The following CALCR variants were observed in gnomAD, a reference collection of about 807,000 sequenced individuals.
The protein encoded by CALCR is calcitonin receptor.
A neutral mutation model predicts 59.5 loss-of-function variants in CALCR; 47 were observed. That is an observed-to-expected ratio of 0.79 (90% confidence interval 0.63 to 1.01). The LOEUF (loss-of-function observed/expected upper bound fraction) is 1.01. Among genes scored for constraint, CALCR ranks in the 50% least tolerant of loss-of-function variants. The probability of loss-of-function intolerance (pLI) is 0.00; values close to 1 mark genes in which losing one functional copy is unlikely to be tolerated. For synonymous variants in CALCR, 213 were observed against 211.3 expected, an observed-to-expected ratio of 1.01 and a Z score of -0.07; for missense variants, 566 against 597.1, an observed-to-expected ratio of 0.95 and a Z score of 0.54.
intron 2 of CALCR, among the ~76,000 whole-genome samples, chr7:93,528,724 A>C (rs768722268): frequency 8.5e-5 from 13 of 152,320 alleles, no homozygotes; most frequent in Non-Finnish European, 1.6e-4. Flanking sequence ...TTAAAGAATA[A>C]GTTAAACACT....
intron 8 of CALCR, among the ~76,000 whole-genome samples, chr7:93,444,919 C>A (rs1169959656): frequency 1.3e-5 from 2 of 152,168 alleles, no homozygotes; most frequent in Non-Finnish European, 1.5e-5. Context: ...ACTGTAGCAA[C>A]CTTTTCCGAA....
chr7:93,477,366 A>G (rs1028689315), intron 5 of CALCR, among the ~76,000 whole-genome samples, 192 bp downstream of exon 5: 3 of 151,856 alleles, frequency 2.0e-5, no homozygotes, highest in African/African-American at 7.2e-5. Context: ...GACCAGCAAC[A>G]TGACTTAAAA....
At chr7:93,430,408 A>G (rs1298109938) in intron 13 of CALCR, among the ~76,000 whole-genome samples, 1 of 152,138 alleles carries the variant, frequency 6.6e-6, no homozygotes, top group Non-Finnish European at 1.5e-5. Flanking sequence ...TACAAAATTT[A>G]TATGCTCTAT....
In CALCR at chr7:93,443,662, A is replaced by G; in HGVS notation, c.744T>C (p.Ile248=). 6.2e-7 allele frequency: 1 copy of G among 1,613,444 alleles called. No individual in the cohort carries two copies. The highest frequency in any genetic ancestry group is 1.1e-5 in the South Asian group (1 of 91,050). Reference sequence around the variant, plus strand: ...GCTTCTCAGTAAACACAGCCACGACAATGAGTGTATGAAGATAGATCCCTT... The same window carrying G: ...GCTTCTCAGTAAACACAGCCACGACGATGAGTGTATGAAGATAGATCCCTT... The part of the protein sequence containing the change: ...LCEGIYLHTL[I]VVAVFTEKQR... The change falls in exon 9 of 14, where the codon ATT becomes ATC. Residue 248 remains isoleucine, a synonymous_variant. Coordinates refer to ENST00000426151, the MANE Select transcript of CALCR (RefSeq NM_001742.4).
intron 3 of CALCR, chr7:93,482,782 A>G (rs772052954): frequency 1.9e-6 from 1 of 533,684 alleles, no homozygotes; most frequent in Non-Finnish European, 3.9e-6. Flanking sequence ...TCATTCTTGC[A>G]ATATTGAAAC....
intron 2 of CALCR, among the ~76,000 whole-genome samples, chr7:93,523,051 AAATAG>A (rs1157924993): frequency 6.6e-6 from 1 of 152,176 alleles, no homozygotes; most frequent in African/African-American, 2.4e-5. Flanking sequence ...GATCACTTTG[AAATAG>A]AATAGAATAT....
chr7:93,552,666 T>C (rs1475470261), intron 2 of CALCR, among the ~76,000 whole-genome samples: 1 of 152,212 alleles, frequency 6.6e-6, no homozygotes, highest in Non-Finnish European at 1.5e-5. Context: ...CCATGTTCTC[T>C]AGAGGTTAGA....
intron 2 of CALCR, among the ~76,000 whole-genome samples, chr7:93,546,610 G>T (rs1584622023): frequency 1.3e-5 from 2 of 150,806 alleles, no homozygotes; most frequent in African/African-American, 4.9e-5. Context: ...GGAGTGCAGT[G>T]GTGGGATCAC....
At chr7:93,477,951 G>A (rs1373894447) in intron 4 of CALCR, among the ~76,000 whole-genome samples, 1 of 58,990 alleles carries the variant, frequency 1.7e-5, no homozygotes, top group Admixed American at 2.8e-4. Flanking sequence ...AAGACTGCAA[G>A]ACCCTCTCTC....
chr7:93,536,669 A>G (rs1442884985), intron 2 of CALCR, among the ~76,000 whole-genome samples: 2 of 151,952 alleles, frequency 1.3e-5, no homozygotes, highest in African/African-American at 4.8e-5. Context: ...AGCATTAGGT[A>G]TATCTCCTAA....
intron 7 of CALCR, among the ~76,000 whole-genome samples, chr7:93,462,989 C>T (rs1251846712): frequency 6.6e-6 from 1 of 150,538 alleles, no homozygotes; most frequent in Admixed American, 6.6e-5. Context: ...CATCATTGGG[C>T]TTAATACCCA....
rs1402836513 is a variant in CALCR at position 93,557,305 on chromosome 7, A to G, written c.-27+16984T>C. On this transcript the variant is annotated intron_variant, in intron 2 of 13. Transcript: ENST00000426151. ...AAATTGACAAATTAATATTATATATATATTTATGGTATGCAACTTTATGTT... is the reference window on the plus strand; with the variant it reads ...AAATTGACAAATTAATATTATATATGTATTTATGGTATGCAACTTTATGTT... 5.9e-5 allele frequency among the ~76,000 whole-genome samples: 9 copies of G among 151,888 alleles called. No individual in the cohort carries two copies. In the East Asian group the frequency reaches 1.7e-3, roughly 29 times the overall value.
intron 8 of CALCR, among the ~76,000 whole-genome samples, chr7:93,451,543 C>T (rs2115763234): frequency 6.6e-6 from 1 of 151,946 alleles, no homozygotes; most frequent in Admixed American, 6.6e-5. Context: ...ACTGTATTTC[C>T]TCAGAAAAAG....
At chr7:93,440,122 C>A (rs79746192) in intron 9 of CALCR, among the ~76,000 whole-genome samples, 2,906 of 152,184 alleles carry the variant, frequency 0.019, 91 homozygotes, top group African/African-American at 0.066. Flanking sequence ...ACATCACCTG[C>A]AAACAAATTA....
chr7:93,479,211 A>C, intron 4 of CALCR, 143 bp downstream of exon 4: 1 of 831,188 alleles, frequency 1.2e-6, no homozygotes, highest in Non-Finnish European at 1.9e-6. Context: ...ACTGCATGAA[A>C]TACACAAACA....
intron 2 of CALCR, among the ~76,000 whole-genome samples, chr7:93,532,575 C>T (rs1298045561): frequency 1.3e-5 from 2 of 151,916 alleles, no homozygotes; most frequent in African/African-American, 4.8e-5. Context: ...GTGCCAAAAG[C>T]TCAGTCAATG....
intron 2 of CALCR, among the ~76,000 whole-genome samples, chr7:93,531,359 A>G (rs6973591): frequency 0.37 from 56,347 of 151,890 alleles, 11,534 homozygotes; most frequent in Non-Finnish European, 0.47. Flanking sequence ...TTTGCATACC[A>G]GCAGGGATTT....
chr7:93,500,363 A>T (rs10256210), intron 2 of CALCR, among the ~76,000 whole-genome samples: 26,928 of 151,818 alleles, frequency 0.18, 5,849 homozygotes, highest in African/African-American at 0.51. Context: ...TAAGAAAGAA[A>T]GTGCTTAGAC....
chr7:93,560,574 T>C (rs1789722065), intron 2 of CALCR, among the ~76,000 whole-genome samples: 1 of 152,136 alleles, frequency 6.6e-6, no homozygotes, highest in Admixed American at 6.6e-5. Context: ...ATACTATTTG[T>C]TCTAATACAA....
Sources: gnomAD v4.1 joint callset for allele counts (sites outside exome capture counted in the v4.1 genomes callset) on GRCh38, gnomAD v4.1.1 for gene constraint, MANE v1.5 for transcripts, NCBI Gene and HGNC (gene_info 2026-07-23, HGNC 2026-07-21) for gene names.